The following AHCYL2 variants were observed in gnomAD, a reference collection of about 807,000 sequenced individuals.
AHCYL2 encodes the protein S-adenosylhomocysteine hydrolase-like protein 2.
AHCYL2 carries 28 observed loss-of-function variants against 81.4 expected under a neutral mutation model. The observed-to-expected ratio is 0.34, with a 90% CI of 0.25 to 0.47. AHCYL2 has a LOEUF of 0.47. Among genes scored for constraint, AHCYL2 ranks in the 20% least tolerant of loss-of-function variants. The probability of loss-of-function intolerance (pLI) is 1.00; values close to 1 mark genes in which losing one functional copy is unlikely to be tolerated. For missense variants in AHCYL2, 551 were observed against 785.1 expected, an observed-to-expected ratio of 0.70 and a Z score of 3.56; for synonymous variants, 272 against 290.2, an observed-to-expected ratio of 0.94 and a Z score of 0.64.
rs1403187094 is a variant in AHCYL2, at chr7:129,263,901, G to A, written c.363+38462G>A. Among the ~76,000 whole-genome samples the A allele has an allele frequency of 1.8e-4, 27 of 152,194 alleles. 1 individual carries two copies. The highest frequency in any genetic ancestry group is 1.8e-3 in the Admixed American group (27 of 15,278). The stretch of plus-strand genomic sequence containing the variant: ...GAGTTACCTCTGAGTCCTGGCTATT[G>A]TGGGGAGAAATAAAAGAGAAGGAAG... On this transcript the variant is annotated intron_variant, in intron 1 of 16. Coordinates refer to ENST00000325006, the MANE Select transcript of AHCYL2 (RefSeq NM_015328.4).
At chr7:129,369,046 A>G (rs1481222832) in intron 1 of AHCYL2, among the ~76,000 whole-genome samples, 2 of 152,040 alleles carry the variant, frequency 1.3e-5, no homozygotes, top group Middle Eastern at 3.4e-3. Context: ...TTTCCCCCCC[A>G]GCTATCCTTT....
chr7:129,406,110 C>T lies in AHCYL2; in HGVS notation c.1206+211C>T, dbSNP rs1796294343. 6.6e-6 allele frequency among the ~76,000 whole-genome samples: 1 copy of T among 152,192 alleles called. No homozygotes were observed. Among genetic ancestry groups the T allele is most frequent in the Admixed American group, 6.5e-5 (1 of 15,282 alleles). On this transcript the variant is annotated intron_variant, in intron 9 of 16. Coordinates refer to ENST00000325006, the MANE Select transcript of AHCYL2 (RefSeq NM_015328.4). This position sits in a 1 kb window ranked among gnomAD's most constrained non-coding sequence, Gnocchi z 4.3. Reference sequence around the variant, plus strand: ...GTTGATTTTCTGACTTGCTCCAGTACCACCGTTTGTGATGTTCTTTTTAGC... The same window carrying T: ...GTTGATTTTCTGACTTGCTCCAGTATCACCGTTTGTGATGTTCTTTTTAGC...
chr7:129,288,400 A>C (rs1235314471), intron 1 of AHCYL2, among the ~76,000 whole-genome samples: 6 of 152,008 alleles, frequency 3.9e-5, no homozygotes, highest in African/African-American at 1.4e-4. Flanking sequence ...GTCTCGCATC[A>C]CTCAGGCTGG....
At chr7:129,384,766 A>G (rs1444365623) in intron 2 of AHCYL2, among the ~76,000 whole-genome samples, 1 of 152,134 alleles carries the variant, frequency 6.6e-6, no homozygotes, top group African/African-American at 2.4e-5. Context: ...GATTTTATAG[A>G]CTTTTCTTAA....
chr7:129,378,141 G>A (rs1460633281), intron 1 of AHCYL2, among the ~76,000 whole-genome samples: 6 of 151,934 alleles, frequency 3.9e-5, no homozygotes, highest in Admixed American at 1.3e-4. Flanking sequence ...GTGAAACCCC[G>A]TCTCTACTAA....
chr7:129,410,427 T>C, intron 11 of AHCYL2: 1 of 1,519,052 alleles, frequency 6.6e-7, no homozygotes, highest in South Asian at 1.1e-5. Flanking sequence ...CACAGGATTA[T>C]CCTCAGCGTC....
chr7:129,360,552 A>G (rs1445372717), intron 1 of AHCYL2, among the ~76,000 whole-genome samples: 1 of 152,260 alleles, frequency 6.6e-6, no homozygotes, highest in Non-Finnish European at 1.5e-5. Context: ...AAAGAGACAA[A>G]TGATCAATTA....
intron 1 of AHCYL2, among the ~76,000 whole-genome samples, chr7:129,299,369 G>GTTTTTTTTTTTTTTTTTTTTTTTTTTTT (rs71162592): frequency 2.2e-5 from 1 of 46,278 alleles, no homozygotes; most frequent in African/African-American, 8.2e-5. Context: ...AGTCCAACTT[G>GTTTTTTTTTTTTTTTTTTTTTTTTTTTT]TTTTTTTTTT....
chr7:129,342,016 A>G (rs1229259894), intron 1 of AHCYL2, among the ~76,000 whole-genome samples: 2 of 152,218 alleles, frequency 1.3e-5, no homozygotes, highest in African/African-American at 4.8e-5. Flanking sequence ...TATAAAGGTA[A>G]AGCTTTATGT....
Position 129,301,549 on chromosome 7 carries a change from A to T in AHCYL2, c.363+76110A>T, listed in dbSNP as rs555505110. Among the ~76,000 whole-genome samples, 4 of 152,252 alleles carry T rather than the reference A, an allele frequency of 2.6e-5. No homozygotes were observed. The South Asian group carries it at 8.3e-4, about 32-fold the overall frequency. ...TATTTGATTTTTGTATATGTGAGAG[A>T]TAGAGGTCTAGTTTTATTCTTCTGC... On this transcript the variant is annotated intron_variant, in intron 1 of 16. Coordinates refer to ENST00000325006, the MANE Select transcript of AHCYL2 (RefSeq NM_015328.4).
At chr7:129,425,252 C>A in intron 15 of AHCYL2, 111 bp downstream of exon 15, 1 of 889,656 alleles carries the variant, frequency 1.1e-6, no homozygotes, top group Non-Finnish European at 1.8e-6. Context: ...AAGGTACCTT[C>A]ATCTTGTAAA....
intron 6 of AHCYL2, among the ~76,000 whole-genome samples, chr7:129,400,890 C>A (rs1454052959): frequency 1.3e-5 from 2 of 152,110 alleles, no homozygotes; most frequent in African/African-American, 4.8e-5. Context: ...GTTCAAATTT[C>A]TTCTCTTTAT....
chr7:129,399,941 G>A (rs1352613057), intron 5 of AHCYL2, among the ~76,000 whole-genome samples: 5 of 152,052 alleles, frequency 3.3e-5, no homozygotes, highest in Non-Finnish European at 7.4e-5. Flanking sequence ...GGCCAGGCTG[G>A]CCTTGAACTC....
intron 1 of AHCYL2, among the ~76,000 whole-genome samples, chr7:129,331,263 A>G (rs1056428485): frequency 2.6e-5 from 4 of 152,214 alleles, no homozygotes; most frequent in Non-Finnish European, 5.9e-5. Context: ...GTACTTTGGC[A>G]ATAGAGAACA....
intron 1 of AHCYL2, among the ~76,000 whole-genome samples, chr7:129,355,377 C>A (rs1793703128): frequency 6.6e-6 from 1 of 152,096 alleles, no homozygotes; most frequent in Admixed American, 6.5e-5. Context: ...GTGCTGTTAT[C>A]TCTGGGTTCA....
At chr7:129,326,309 C>T (rs559982712) in intron 1 of AHCYL2, among the ~76,000 whole-genome samples, 3 of 152,130 alleles carry the variant, frequency 2.0e-5, no homozygotes, top group African/African-American at 7.2e-5. Flanking sequence ...AGTGGATCAC[C>T]TGAGGTCAGG....
chr7:129,227,119 T>G (rs1159212039), intron 1 of AHCYL2, among the ~76,000 whole-genome samples: 3 of 152,224 alleles, frequency 2.0e-5, no homozygotes, highest in Non-Finnish European at 2.9e-5. Context: ...CAGTTTCCTC[T>G]TCTATAAAAT....
intron 1 of AHCYL2, among the ~76,000 whole-genome samples, chr7:129,240,171 C>T (rs1049020795): frequency 9.9e-5 from 15 of 151,832 alleles, no homozygotes; most frequent in Admixed American, 2.6e-4. Flanking sequence ...GCCGAGATCG[C>T]GCCATTGCAC....
intron 1 of AHCYL2, among the ~76,000 whole-genome samples, chr7:129,340,776 G>T (rs138968397): frequency 6.6e-6 from 1 of 152,100 alleles, no homozygotes; most frequent in African/African-American, 2.4e-5. Context: ...GAGATCATAT[G>T]ATATTTTCTC....
Sources: gnomAD v4.1 joint callset for allele counts (sites outside exome capture counted in the v4.1 genomes callset) on GRCh38, gnomAD v4.1.1 for gene constraint, Gnocchi (gnomAD v3.1) non-coding constraint, MANE v1.5 for transcripts, NCBI Gene and HGNC (gene_info 2026-07-23, HGNC 2026-07-21) for gene names.